STAU2: variants seen among roughly 807,000 people sequenced by gnomAD.
The protein encoded by STAU2 is double-stranded RNA-binding protein Staufen homolog 2.
STAU2 carries 20 observed loss-of-function variants against 65.9 expected under a neutral mutation model. The observed-to-expected ratio is 0.30, with a 90% confidence interval of 0.21 to 0.44. The LOEUF is 0.44. Ranked by LOEUF, STAU2 falls within the 20% of genes least tolerant of loss-of-function variation. The pLI is 1.00. For synonymous variants in STAU2, 232 were observed against 233.9 expected (o/e 0.99, Z 0.07); for missense variants, 558 against 683.9 (o/e 0.82, Z 2.05).
chr8:73,578,599 C>A (rs1271738369), intron 12 of STAU2, among the ~76,000 whole-genome samples: 1 of 152,158 alleles, frequency 6.6e-6, no homozygotes, highest in African/African-American at 2.4e-5. Flanking sequence ...TATGTATGTT[C>A]CCATTGCTCC....
chr8:73,615,606 A>C, intron 8 of STAU2, 69 bp downstream of exon 8: 1 of 1,187,144 alleles, frequency 8.4e-7, no homozygotes. Flanking sequence ...TACACCAGTT[A>C]ATTTGATTTG....
At chr8:73,443,090 G>C (rs1189117648) in intron 13 of STAU2, among the ~76,000 whole-genome samples, 1 of 152,130 alleles carries the variant, frequency 6.6e-6, no homozygotes. Context: ...AGAAATGCCT[G>C]ACATTCAATT....
chr8:73,684,825 C>T (rs1357054493), intron 5 of STAU2, among the ~76,000 whole-genome samples: 1 of 152,040 alleles, frequency 6.6e-6, no homozygotes, highest in Non-Finnish European at 1.5e-5. Flanking sequence ...AGAAAATATA[C>T]AAATGGCCAA....
chr8:73,654,937 G>A (rs557458837), intron 6 of STAU2, among the ~76,000 whole-genome samples: 2 of 152,006 alleles, frequency 1.3e-5, no homozygotes, highest in East Asian at 3.9e-4. Flanking sequence ...TGCCCGTCTC[G>A]GCCTCCCAAA....
intron 5 of STAU2, among the ~76,000 whole-genome samples, chr8:73,680,544 A>T (rs1473750637): frequency 6.6e-6 from 1 of 152,124 alleles, no homozygotes; most frequent in Non-Finnish European, 1.5e-5. Context: ...TGGTAATATG[A>T]CAAAACAAGG....
At chr8:73,744,040 G>A (rs1222281264) in intron 1 of STAU2, among the ~76,000 whole-genome samples, 1 of 152,134 alleles carries the variant, frequency 6.6e-6, no homozygotes, top group Admixed American at 6.5e-5. Flanking sequence ...AAAGTGCTGG[G>A]ATTACAGGCA....
chr8:73,430,332 A>C (rs1370533991), intron 13 of STAU2, among the ~76,000 whole-genome samples: 1 of 152,142 alleles, frequency 6.6e-6, no homozygotes, highest in Admixed American at 6.5e-5. Context: ...ATGTTCAGGA[A>C]AACAGAGTGG....
At chr8:73,500,885 G>T (rs928055668) in intron 13 of STAU2, among the ~76,000 whole-genome samples, 1 of 151,800 alleles carries the variant, frequency 6.6e-6, no homozygotes, top group African/African-American at 2.4e-5. Flanking sequence ...GCTAAACAAG[G>T]AGATGAATGG....
chr8:73,701,896 A>T (rs1820133779), intron 4 of STAU2, among the ~76,000 whole-genome samples: 1 of 152,190 alleles, frequency 6.6e-6, no homozygotes, highest in Non-Finnish European at 1.5e-5. Flanking sequence ...ATTCAGCCAT[A>T]AAAAAGAATG....
At chr8:73,485,481 A>G (rs1280204800) in intron 13 of STAU2, among the ~76,000 whole-genome samples, 1 of 152,008 alleles carries the variant, frequency 6.6e-6, no homozygotes, top group Non-Finnish European at 1.5e-5. Flanking sequence ...GGACCACGGA[A>G]GGGAGAGATC....
chr8:73,639,921 C>A (rs543116476), intron 6 of STAU2, among the ~76,000 whole-genome samples: 1 of 152,032 alleles, frequency 6.6e-6, no homozygotes, highest in Non-Finnish European at 1.5e-5. Context: ...GCATTCAAAT[C>A]AAAGAGGTGA....
intron 6 of STAU2, among the ~76,000 whole-genome samples, chr8:73,664,506 C>T (rs1039980120): frequency 6.6e-6 from 1 of 152,126 alleles, no homozygotes; most frequent in Non-Finnish European, 1.5e-5. Flanking sequence ...CATTAGTGAG[C>T]GCTGACTTCT....
intron 6 of STAU2, among the ~76,000 whole-genome samples, chr8:73,637,884 T>C (rs1814666434): frequency 6.6e-6 from 1 of 152,098 alleles, no homozygotes; most frequent in Non-Finnish European, 1.5e-5. Flanking sequence ...AAATGACATC[T>C]ATATATGGGG....
At chr8:73,516,106 T>G (rs1267702131) in intron 13 of STAU2, among the ~76,000 whole-genome samples, 2 of 151,776 alleles carry the variant, frequency 1.3e-5, no homozygotes, top group African/African-American at 4.8e-5. Context: ...ACTAATTTTT[T>G]TTTTGGTATT....
rs370019142 is a variant in STAU2, at chr8:73,662,599, T to TTTGTTGTTGTTGTTGTTG, written c.410+10490_410+10507dup. 9.4e-3 allele frequency among the ~76,000 whole-genome samples: 1,414 copies of TTTGTTGTTGTTGTTGTTG among 150,696 alleles called. 20 individuals carry two copies. Among genetic ancestry groups the TTTGTTGTTGTTGTTGTTG allele is most frequent in the African/African-American group, 0.023 (941 of 40,804 alleles). On this transcript the variant is annotated intron_variant, in intron 6 of 14. Transcript: ENST00000524300. ...GGTGTGAAGTCAAGGTTCAGGGGTTTTTGTTGTTGTTGTTGTTGTTGTTGT... is the reference window on the plus strand; with the variant it reads ...GGTGTGAAGTCAAGGTTCAGGGGTTTTTGTTGTTGTTGTTGTTGTTGTTGTTGTTGTTGTTGTTGTTGT...
chr8:73,605,015 T>A (rs1811906290), intron 9 of STAU2, among the ~76,000 whole-genome samples: 1 of 152,034 alleles, frequency 6.6e-6, no homozygotes, highest in African/African-American at 2.4e-5. Flanking sequence ...AGAATATTCA[T>A]CAATAAAAGA....
At chr8:73,427,052 C>A (rs1482933375) in intron 13 of STAU2, among the ~76,000 whole-genome samples, 1 of 151,818 alleles carries the variant, frequency 6.6e-6, no homozygotes, top group East Asian at 1.9e-4. Context: ...CCTCAGCCTC[C>A]CGAGTAGCTG....
chr8:73,426,113 C>A (rs1427302630), intron 13 of STAU2, among the ~76,000 whole-genome samples: 1 of 152,154 alleles, frequency 6.6e-6, no homozygotes, highest in African/African-American at 2.4e-5. Context: ...TTAGTATCCT[C>A]TCCCCATGTC....
chr8:73,475,280 A>C (rs1264690069), intron 13 of STAU2, among the ~76,000 whole-genome samples: 1 of 151,786 alleles, frequency 6.6e-6, no homozygotes, highest in Non-Finnish European at 1.5e-5. Context: ...GAAGTTTTTC[A>C]AAAAAAATGG....
Sources: allele counts gnomAD v4.1 joint callset (sites outside exome capture counted in the v4.1 genomes callset), GRCh38; gene constraint gnomAD v4.1.1; transcripts MANE v1.5; gene names NCBI Gene and HGNC (gene_info 2026-07-23, HGNC 2026-07-21).